Variants in PRKD1 observed in about 807,000 individuals in gnomAD.
PRKD1 encodes the protein protein kinase D1, also known as serine/threonine-protein kinase D1.
PRKD1 carries 63 observed loss-of-function variants against 95.9 expected under a neutral mutation model. The ratio of observed to expected loss-of-function variants is 0.66; its 90% confidence interval spans 0.54 to 0.81. PRKD1 has a LOEUF of 0.81. Among genes scored for constraint, PRKD1 ranks in the 30% least tolerant of loss-of-function variants. The pLI, the probability that PRKD1 is intolerant of heterozygous loss-of-function variation, is 0.00. For missense variants in PRKD1, 1,048 were observed against 1,165.3 expected, an observed-to-expected ratio of 0.90 and a Z score of 1.47; for synonymous variants, 425 against 423.1, an observed-to-expected ratio of 1.00 and a Z score of -0.05.
chr14:29,836,792 G>T (rs979568791), intron 1 of PRKD1, among the ~76,000 whole-genome samples: 1 of 152,150 alleles, frequency 6.6e-6, no homozygotes, highest in Non-Finnish European at 1.5e-5. Flanking sequence ...GGCCCTGTTG[G>T]GTTAGCAATG....
chr14:29,766,241 T>C (rs1008131804), intron 1 of PRKD1, among the ~76,000 whole-genome samples: 1 of 152,164 alleles, frequency 6.6e-6, no homozygotes, highest in African/African-American at 2.4e-5. Context: ...TACTATACAA[T>C]GCCTTTCAAG....
At position 29,826,792 on chromosome 14, in the gene PRKD1, C is replaced by CAT. The variant is rs1461222050; in HGVS notation, c.264+100455_264+100456dup. On this transcript the variant is annotated intron_variant, in intron 1 of 17. Coordinates refer to ENST00000331968, the MANE Select transcript of PRKD1 (RefSeq NM_002742.3). ...ATACACATATATATACATATATACACATATATATACACATATATATACACA... is the reference window on the plus strand; with the variant it reads ...ATACACATATATATACATATATACACATATATATATACACATATATATACACA... Among the ~76,000 whole-genome samples the CAT allele has an allele frequency of 9.1e-3, 299 of 32,682 alleles. 20 individuals are homozygous for CAT. Among genetic ancestry groups the CAT allele is most frequent in the Non-Finnish European group, 0.012 (191 of 15,302 alleles). 21.4% of individuals were successfully genotyped at this position (32,682 alleles called of 152,430 possible).
intron 1 of PRKD1, among the ~76,000 whole-genome samples, chr14:29,759,980 T>C (rs949046750): frequency 1.3e-5 from 2 of 152,170 alleles, no homozygotes; most frequent in African/African-American, 4.8e-5. Context: ...TGGCCAGCCA[T>C]ACCGTTGACT....
chr14:29,701,006 A>ACACACACCCC (rs1555337080), intron 2 of PRKD1, among the ~76,000 whole-genome samples: 1 of 50,668 alleles, frequency 2.0e-5, no homozygotes, highest in African/African-American at 1.1e-4. Context: ...ACACACACAC[A>ACACACACCCC]CCCTGTTGTG....
chr14:29,579,003 G>A (rs563269691), intron 16 of PRKD1, among the ~76,000 whole-genome samples: 1 of 152,142 alleles, frequency 6.6e-6, no homozygotes, highest in South Asian at 2.1e-4. Flanking sequence ...CTTTCTAGAG[G>A]AAGACAGGAA....
At chr14:29,750,933 G>A (rs896989863) in intron 1 of PRKD1, among the ~76,000 whole-genome samples, 3 of 152,110 alleles carry the variant, frequency 2.0e-5, no homozygotes, top group Non-Finnish European at 4.4e-5. Flanking sequence ...TCCCCATGAC[G>A]GTGGACATTT....
At chr14:29,903,705 G>A (rs1018928191) in intron 1 of PRKD1, among the ~76,000 whole-genome samples, 1 of 152,038 alleles carries the variant, frequency 6.6e-6, no homozygotes, top group Non-Finnish European at 1.5e-5. Flanking sequence ...AGGGATAAAG[G>A]GGTGACAACT....
At chr14:29,784,091 T>C (rs1308588446) in intron 1 of PRKD1, among the ~76,000 whole-genome samples, 1 of 152,220 alleles carries the variant, frequency 6.6e-6, no homozygotes, top group African/African-American at 2.4e-5. Flanking sequence ...TCTAGCGGTT[T>C]TATAGTTTCA....
At chr14:29,878,265 T>C (rs1419051969) in intron 1 of PRKD1, among the ~76,000 whole-genome samples, 2 of 144,740 alleles carry the variant, frequency 1.4e-5, no homozygotes, top group Non-Finnish European at 3.0e-5. Context: ...AGTTTGCCTA[T>C]ATAACCAAGC....
At chr14:29,753,334 C>T (rs897678999) in intron 1 of PRKD1, among the ~76,000 whole-genome samples, 2 of 152,172 alleles carry the variant, frequency 1.3e-5, no homozygotes, top group South Asian at 4.1e-4. Flanking sequence ...TAAGTAGCTG[C>T]TTATTTTCTC....
chr14:29,641,972 C>T lies in PRKD1; in HGVS notation c.697-3068G>A, dbSNP rs376606226. ...AGGCTGCAGTGCAATGGGGCATTCTCGGCTCACTGCAGCCGCTGCCTCCCA... is the reference window on the plus strand; with the variant it reads ...AGGCTGCAGTGCAATGGGGCATTCTTGGCTCACTGCAGCCGCTGCCTCCCA... On this transcript the variant is annotated intron_variant, in intron 4 of 17. Transcript: ENST00000331968. 5.8e-4 allele frequency among the ~76,000 whole-genome samples: 83 copies of T among 143,340 alleles called. No individual in the cohort carries two copies. The Middle Eastern group carries it at 0.012, about 20-fold the overall frequency. 94.0% of individuals were successfully genotyped at this position (143,340 alleles called of 152,430 possible).
chr14:29,738,389 A>G (rs186358995), intron 1 of PRKD1, among the ~76,000 whole-genome samples: 1 of 152,280 alleles, frequency 6.6e-6, no homozygotes, highest in African/African-American at 2.4e-5. Flanking sequence ...GTAGGCAGAA[A>G]ATGAATGATG....
At chr14:29,839,536 TG>T (rs976193960) in intron 1 of PRKD1, among the ~76,000 whole-genome samples, 7 of 152,078 alleles carry the variant, frequency 4.6e-5, no homozygotes, top group Non-Finnish European at 7.4e-5. Context: ...TGGAGGACGG[TG>T]GCCCTCTTCT....
At chr14:29,778,984 T>C (rs1888905713) in intron 1 of PRKD1, among the ~76,000 whole-genome samples, 2 of 152,152 alleles carry the variant, frequency 1.3e-5, no homozygotes, top group Non-Finnish European at 2.9e-5. Flanking sequence ...TGGCTCAACA[T>C]ATGCAAATCA....
chr14:29,664,106 T>C (rs914398794), intron 3 of PRKD1, among the ~76,000 whole-genome samples: 1 of 152,168 alleles, frequency 6.6e-6, no homozygotes, highest in Non-Finnish European at 1.5e-5. Flanking sequence ...TGTTCTGTGA[T>C]ATAACAGTCT....
intron 1 of PRKD1, among the ~76,000 whole-genome samples, chr14:29,817,665 G>A (rs750948857): frequency 2.7e-4 from 41 of 151,976 alleles, no homozygotes; most frequent in African/African-American, 8.7e-4. Flanking sequence ...GGTAACCTGC[G>A]GGAGATCACT....
In PRKD1 at chr14:29,577,155, G is replaced by T; in HGVS notation, c.*83C>A. The T allele has an allele frequency of 2.2e-6, 3 of 1,370,332 alleles. No individual in the cohort carries two copies. The highest frequency in any genetic ancestry group is 2.5e-4 in the Middle Eastern group (1 of 3,922). 84.9% of individuals were successfully genotyped at this position (1,370,332 alleles called of 1,614,324 possible). ...TGTTCTCATCTGACAGAAAATAATGGCAGTTCTGCAAGGCAAATGTTAAAC... is the reference window on the plus strand; with the variant it reads ...TGTTCTCATCTGACAGAAAATAATGTCAGTTCTGCAAGGCAAATGTTAAAC... On this transcript the variant is annotated 3_prime_UTR_variant, in exon 18 of 18. Coordinates refer to ENST00000331968, the MANE Select transcript of PRKD1 (RefSeq NM_002742.3).
intron 1 of PRKD1, among the ~76,000 whole-genome samples, chr14:29,745,281 C>G (rs1398971741): frequency 6.6e-6 from 1 of 152,138 alleles, no homozygotes; most frequent in Non-Finnish European, 1.5e-5. Flanking sequence ...AATTCTGTCT[C>G]TTAACTCAAA....
intron 2 of PRKD1, among the ~76,000 whole-genome samples, chr14:29,691,535 T>G (rs1884232399): frequency 6.6e-6 from 1 of 152,194 alleles, no homozygotes; most frequent in South Asian, 2.1e-4. Flanking sequence ...AAGTCCATAT[T>G]GCCTTGCAGA....
Sources: gnomAD v4.1 joint callset for allele counts (sites outside exome capture counted in the v4.1 genomes callset) on GRCh38, gnomAD v4.1.1 for gene constraint, MANE v1.5 for transcripts, NCBI Gene and HGNC (gene_info 2026-07-23, HGNC 2026-07-21) for gene names.